The following AP1M1 variants were observed in gnomAD, a reference collection of about 807,000 sequenced individuals.
The protein encoded by AP1M1 is adaptor related protein complex 1 subunit mu 1.
Under a neutral mutation model 57.1 loss-of-function variants are expected in AP1M1, and 18 were observed. That is an observed-to-expected ratio of 0.32 (90% CI 0.22 to 0.47). AP1M1 has a LOEUF of 0.47. Among genes scored for constraint, AP1M1 ranks in the 20% least tolerant of loss-of-function variants. The pLI is 1.00. For synonymous variants in AP1M1, 241 were observed against 237.9 expected, an observed-to-expected ratio of 1.01 and a Z score of -0.12; for missense variants, 362 against 593.5, an observed-to-expected ratio of 0.61 and a Z score of 4.05.
Position 16,236,438 on chromosome 19 carries a change from G to A in AP1M1, c.*2003G>A, listed in dbSNP as rs12977651. ...GAAGGAAGTAGACGCGGAAGACACC[G>A]TGGGGGCTCACACCGGAGTTGCTCT... On this transcript the variant is annotated 3_prime_UTR_variant, in exon 12 of 12. Transcript: ENST00000291439. 83,905 of 152,124 alleles carry A rather than the reference G, an allele frequency of 0.55. 26,053 individuals carry two copies. Among genetic ancestry groups the A allele is most frequent in the Non-Finnish European group, 0.71 (48,309 of 68,000 alleles). The allele number at this position is 152,124 out of a possible 1,614,324, so 9.4% of individuals were successfully genotyped here. A position where few individuals can be genotyped will look rare whatever the true frequency, so the allele number is the denominator to read the frequency against.
chr19:16,229,023 G>A, intron 9 of AP1M1, 95 bp downstream of exon 9: 1 of 1,413,478 alleles, frequency 7.1e-7, no homozygotes, highest in Non-Finnish European at 9.7e-7. Flanking sequence ...AAGATGGGGT[G>A]ACAGTGGCCA....
chr19:16,224,495 C>T (rs1311850025), intron 5 of AP1M1, among the ~76,000 whole-genome samples: 4 of 152,254 alleles, frequency 2.6e-5, no homozygotes, highest in African/African-American at 9.6e-5. Flanking sequence ...CATCTGAGTG[C>T]AGCCTGGTAC....
chr19:16,226,270 C>A, intron 5 of AP1M1, 151 bp from the exon 6 acceptor site: 1 of 1,159,376 alleles, frequency 8.6e-7, no homozygotes, highest in Non-Finnish European at 1.2e-6. Context: ...ACAGCTGGGA[C>A]TCTCCCAGCT....
In AP1M1 at chr19:16,206,556, T is replaced by C; in HGVS notation, c.267+148T>C. On this transcript the variant is annotated intron_variant, in intron 3 of 11. Transcript: ENST00000291439. The surrounding 1 kb of genome is among the most constrained non-coding windows in gnomAD (Gnocchi z 4.3). ...AAGCCCAGGAAGTGGGAAAGGGGAG[T>C]CCCAACTCCCCACGCCTGTGGAATT... The C allele has an allele frequency of 1.3e-6, 1 of 763,668 alleles. No individual in the cohort carries two copies. The highest frequency in any genetic ancestry group is 2.2e-5 in the Admixed American group (1 of 46,000). The allele number at this position is 763,668 out of a possible 1,614,324, so 47.3% of individuals were successfully genotyped here. A position where few individuals can be genotyped will look rare whatever the true frequency, so the allele number is the denominator to read the frequency against.
intron 2 of AP1M1, among the ~76,000 whole-genome samples, chr19:16,205,824 A>G (rs751927270): frequency 5.9e-5 from 9 of 152,184 alleles, no homozygotes. Flanking sequence ...CAGGAGAGAA[A>G]TATCAAGGTT....
At chr19:16,217,234 A>C (rs285274) in intron 5 of AP1M1, among the ~76,000 whole-genome samples, 126,214 of 151,768 alleles carry the variant, frequency 0.83, 52,595 homozygotes, top group East Asian at 0.96. Context: ...ATAGGTGGGG[A>C]ACTGGGAGGG....
Position 16,227,630 on chromosome 19 carries a change from C to T in AP1M1, c.756C>T (p.Thr252=), listed in dbSNP as rs1265392148. 7.4e-6 allele frequency: 12 copies of T among 1,614,022 alleles called. No homozygotes were observed. The highest frequency in any genetic ancestry group is 9.3e-6 in the Non-Finnish European group (11 of 1,179,930). Reference sequence around the variant, plus strand: ...TATCACGCTTCGAGAATGACCGCACCATCTCCTTCATCCCACCCGACGGCG... The same window carrying T: ...TATCACGCTTCGAGAATGACCGCACTATCTCCTTCATCCCACCCGACGGCG... ...VRLSRFENDR[T]ISFIPPDGEF... is the part of the protein sequence containing the mutation. Residue 252 remains threonine (T), a synonymous_variant, in exon 7 of 12, where the codon ACC becomes ACT. Coordinates refer to ENST00000291439, the MANE Select transcript of AP1M1 (RefSeq NM_032493.4). This position sits in a 1 kb window ranked among gnomAD's most constrained non-coding sequence, Gnocchi z 6.2.
rs184914507 is a variant in AP1M1 at position 16,216,005 on chromosome 19, T to C, written c.546+6828T>C. ...TTATTAAATTCTTATACTGTGTTTT[T>C]CAGCTGTATCAGGTCAGTTACATCA... On this transcript the variant is annotated intron_variant, in intron 5 of 11. Transcript: ENST00000291439. Among the ~76,000 whole-genome samples the C allele has an allele frequency of 7.2e-3, 1,100 of 152,330 alleles. 6 individuals are homozygous for C. Among genetic ancestry groups the C allele is most frequent in the Non-Finnish European group, 0.011 (722 of 68,012 alleles).
In AP1M1 at chr19:16,228,355, G is replaced by A. The variant is rs1391943022; in HGVS notation, c.888+147G>A. On this transcript the variant is annotated intron_variant, in intron 8 of 11. Coordinates refer to ENST00000291439, the MANE Select transcript of AP1M1 (RefSeq NM_032493.4). This position sits in a 1 kb window ranked among gnomAD's most constrained non-coding sequence, Gnocchi z 5.0. ...TGCAGGAGTGACCTGACACTGAGGG[G>A]ACACCGCCTGGGGCCTGCTCCTAGA... 3 of 841,924 alleles carry A rather than the reference G, an allele frequency of 3.6e-6. No individual in the cohort carries two copies. The East Asian group carries it at 8.0e-5, about 22-fold the overall frequency. The allele number at this position is 841,924 out of a possible 1,614,324, so 52.2% of individuals were successfully genotyped here.
rs372710776 is a variant in AP1M1 at position 16,228,964 on chromosome 19, C to T, written c.1047+36C>T. ...TGTCCAGACATCCACGTGCCCCCTG[C>T]GCCTGTCTCTGCAAGGCAGCCTGGG... On this transcript the variant is annotated intron_variant, in intron 9 of 11. Transcript: ENST00000291439. This position sits in a 1 kb window ranked among gnomAD's most constrained non-coding sequence, Gnocchi z 5.0. 1.5e-5 allele frequency: 24 copies of T among 1,601,882 alleles called. No homozygotes were observed. Among genetic ancestry groups the T allele is most frequent in the South Asian group, 7.7e-5 (7 of 90,632 alleles).
intron 5 of AP1M1, among the ~76,000 whole-genome samples, chr19:16,211,037 CAGAT>C (rs1172668816): frequency 1.3e-5 from 2 of 151,314 alleles, no homozygotes; most frequent in Non-Finnish European, 2.9e-5. Flanking sequence ...AGTCCTCTGT[CAGAT>C]AGGTGATTTG....
Position 16,203,225 on chromosome 19 carries a change from C to T in AP1M1, c.43-234C>T. On this transcript the variant is annotated intron_variant, in intron 1 of 11. Transcript: ENST00000291439. The surrounding 1 kb of genome is among the most constrained non-coding windows in gnomAD (Gnocchi z 4.6). ...GCTGCAGAGTTCGCCTCTACCCTCA[C>T]CCTGCGAAGAACTGCAGTGGCCCCT... 1.8e-6 allele frequency: 1 copy of T among 560,678 alleles called. No individual in the cohort carries two copies. The highest frequency in any genetic ancestry group is 2.0e-5 in the South Asian group (1 of 50,210). The allele number at this position is 560,678 out of a possible 1,614,324, so 34.7% of individuals were successfully genotyped here.
Position 16,244,504 on chromosome 19 carries a change from A to C in AP1M1, c.*10069A>C, listed in dbSNP as rs1027143922. The C allele has an allele frequency of 6.6e-6, 1 of 152,226 alleles. No individual in the cohort carries two copies. Among genetic ancestry groups the C allele is most frequent in the Non-Finnish European group, 1.5e-5 (1 of 68,038 alleles). The allele number at this position is 152,226 out of a possible 1,614,324, so 9.4% of individuals were successfully genotyped here. ...AAGTGATAGAATTATACAACAGGAAAAAAAGTCTGCAGGGAGTAAACTGAG... is the reference window on the plus strand; with the variant it reads ...AAGTGATAGAATTATACAACAGGAACAAAAGTCTGCAGGGAGTAAACTGAG... On this transcript the variant is annotated 3_prime_UTR_variant, in exon 12 of 12. Transcript: ENST00000291439.
intron 5 of AP1M1, among the ~76,000 whole-genome samples, chr19:16,221,097 T>G (rs2091542302): frequency 6.6e-6 from 1 of 152,238 alleles, no homozygotes; most frequent in Admixed American, 6.5e-5. Context: ...TATCAATCAT[T>G]GTTTCCTAAA....
chr19:16,209,180 A>G lies in AP1M1; in HGVS notation c.546+3A>G. On this transcript the variant is annotated splice_donor_region_variant and intron_variant, in intron 5 of 11. Transcript: ENST00000291439. ...TCATCGAGTCTGTCAACCTCTTGGTAGGCCTCTTTTCTTTCCTTCTTCTGT... is the reference window on the plus strand; with the variant it reads ...TCATCGAGTCTGTCAACCTCTTGGTGGGCCTCTTTTCTTTCCTTCTTCTGT... The G allele has an allele frequency of 6.2e-6, 10 of 1,613,860 alleles. No individual in the cohort carries two copies. Among genetic ancestry groups the G allele is most frequent in the Non-Finnish European group, 8.5e-6 (10 of 1,179,876 alleles).
chr19:16,201,388 CTTTTTTTTT>C (rs57467734), intron 1 of AP1M1, among the ~76,000 whole-genome samples: 3 of 62,374 alleles, frequency 4.8e-5, no homozygotes, highest in Non-Finnish European at 8.8e-5. Context: ...GGGAGGATTT[CTTTTTTTTT>C]TTTTTTTTTT....
intron 5 of AP1M1, chr19:16,210,268 G>A (rs150368426): frequency 1.2e-4 from 80 of 666,154 alleles, no homozygotes; most frequent in African/African-American, 1.2e-3. Context: ...GGACATTTGG[G>A]TGGTTTTCCA....
In AP1M1 at chr19:16,242,524, ATGT is replaced by A. The variant is rs751369084; in HGVS notation, c.*8093_*8095del. The A allele has an allele frequency of 2.0e-5, 3 of 152,236 alleles. No individual in the cohort carries two copies. Among genetic ancestry groups the A allele is most frequent in the Non-Finnish European group, 4.4e-5 (3 of 68,044 alleles). 9.4% of individuals were successfully genotyped at this position (152,236 alleles called of 1,614,324 possible). On this transcript the variant is annotated 3_prime_UTR_variant, in exon 12 of 12. Coordinates refer to ENST00000291439, the MANE Select transcript of AP1M1 (RefSeq NM_032493.4). ...AATGAAGCAAAGCTGCTAGTTGAAGATGTTGTCGGATTGAACTGAAATACAAAA... is the reference window on the plus strand; with the variant it reads ...AATGAAGCAAAGCTGCTAGTTGAAGATGTCGGATTGAACTGAAATACAAAA...
intron 9 of AP1M1, among the ~76,000 whole-genome samples, chr19:16,231,094 C>T (rs980588131): frequency 2.0e-5 from 3 of 151,906 alleles, no homozygotes; most frequent in African/African-American, 7.3e-5. Context: ...CAAGACCATC[C>T]TGGCTAACAT....
Sources: allele counts gnomAD v4.1 joint callset (sites outside exome capture counted in the v4.1 genomes callset), GRCh38; gene constraint gnomAD v4.1.1; non-coding constraint Gnocchi (gnomAD v3.1); transcripts MANE v1.5; gene names NCBI Gene and HGNC (gene_info 2026-07-23, HGNC 2026-07-21).